GFRA1: variants seen among roughly 807,000 people sequenced by gnomAD.
GFRA1 encodes GDNF family receptor alpha 1, also known as GDNF family receptor alpha-1.
A neutral mutation model predicts 51.6 loss-of-function variants in GFRA1; 16 were observed. That is an observed-to-expected ratio of 0.31 (90% CI 0.21 to 0.47). The LOEUF (loss-of-function observed/expected upper bound fraction) is 0.47, where lower values mean the gene tolerates loss of function less well. Ranked by LOEUF, GFRA1 falls within the 20% of genes least tolerant of loss-of-function variation. GFRA1 has a pLI of 1.00. For synonymous variants in GFRA1, 270 were observed against 241.3 expected, an observed-to-expected ratio of 1.12 and a Z score of -1.10; for missense variants, 530 against 594.3, an observed-to-expected ratio of 0.89 and a Z score of 1.13.
intron 5 of GFRA1, among the ~76,000 whole-genome samples, chr10:116,154,069 G>A (rs1041363502): frequency 2.0e-5 from 3 of 152,046 alleles, no homozygotes; most frequent in Non-Finnish European, 4.4e-5. Context: ...CACCAAGATG[G>A]CTAAAATGAA....
intron 7 of GFRA1, among the ~76,000 whole-genome samples, chr10:116,095,769 G>A (rs532200312): frequency 3.3e-5 from 5 of 152,294 alleles, no homozygotes; most frequent in South Asian, 2.1e-4. Context: ...TAGTGGTGAC[G>A]TGTGTGACCC....
At chr10:116,198,325 G>A (rs990076350) in intron 5 of GFRA1, among the ~76,000 whole-genome samples, 6 of 152,152 alleles carry the variant, frequency 3.9e-5, no homozygotes, top group Non-Finnish European at 8.8e-5. Context: ...ACTTTTGCGG[G>A]CTTATGAGAA....
intron 5 of GFRA1, among the ~76,000 whole-genome samples, chr10:116,158,203 A>G (rs1032582972): frequency 2.0e-5 from 3 of 152,238 alleles, no homozygotes; most frequent in Non-Finnish European, 4.4e-5. Flanking sequence ...GGAAAGCAGA[A>G]TCATTATTCC....
At chr10:116,248,104 C>G (rs886605056) in intron 4 of GFRA1, among the ~76,000 whole-genome samples, 3 of 152,204 alleles carry the variant, frequency 2.0e-5, no homozygotes, top group Non-Finnish European at 4.4e-5. Flanking sequence ...TCCCTGCCAA[C>G]TGGGGAGCCG....
At chr10:116,221,169 C>T (rs1965897740) in intron 4 of GFRA1, among the ~76,000 whole-genome samples, 1 of 152,158 alleles carries the variant, frequency 6.6e-6, no homozygotes, top group Admixed American at 6.5e-5. Flanking sequence ...TAAAAGGTAG[C>T]TATTCTCATT....
intron 6 of GFRA1, among the ~76,000 whole-genome samples, chr10:116,124,854 G>A (rs1047892538): frequency 6.6e-6 from 1 of 152,042 alleles, no homozygotes; most frequent in Non-Finnish European, 1.5e-5. Flanking sequence ...AGCTCCTCTC[G>A]ACTTAATCAC....
At chr10:116,067,494 A>T (rs1955170018) in intron 9 of GFRA1, among the ~76,000 whole-genome samples, 1 of 152,198 alleles carries the variant, frequency 6.6e-6, no homozygotes, top group Non-Finnish European at 1.5e-5. Context: ...TGAGTGTCCT[A>T]GACCACAGTA....
At chr10:116,154,153 C>G (rs369756855) in intron 5 of GFRA1, among the ~76,000 whole-genome samples, 8 of 152,122 alleles carry the variant, frequency 5.3e-5, no homozygotes, top group African/African-American at 1.9e-4. Context: ...ATTGGTAGGA[C>G]CACTTCGGAA....
intron 9 of GFRA1, among the ~76,000 whole-genome samples, chr10:116,087,383 C>G (rs927861719): frequency 1.3e-5 from 2 of 152,198 alleles, no homozygotes; most frequent in Non-Finnish European, 2.9e-5. Flanking sequence ...GATGACTATT[C>G]TGAGATGTCA....
chr10:116,205,179 TAA>T (rs1964633542), intron 5 of GFRA1, among the ~76,000 whole-genome samples: 1 of 152,172 alleles, frequency 6.6e-6, no homozygotes, highest in African/African-American at 2.4e-5. Flanking sequence ...CCGTACCTTA[TAA>T]AGTTTGGGGG....
At chr10:116,089,436 C>G (rs998491970) in intron 9 of GFRA1, among the ~76,000 whole-genome samples, 8 of 152,140 alleles carry the variant, frequency 5.3e-5, no homozygotes, top group Non-Finnish European at 1.0e-4. Flanking sequence ...AACTTGACAA[C>G]CCCACGCACA....
chr10:116,154,536 A>C lies in GFRA1; in HGVS notation c.434-28979T>G, dbSNP rs373156488. ...TTAATCCATGCTGACAGAAGGCAGA[A>C]TGGTGGCTACCTTTGTGGGGAAAGT... is the stretch of plus-strand genomic sequence containing the variant. On this transcript the variant is annotated intron_variant, in intron 5 of 10. Coordinates refer to ENST00000355422, the MANE Select transcript of GFRA1 (RefSeq NM_005264.8). Among the ~76,000 whole-genome samples, 61 of 152,330 alleles carry C rather than the reference A, an allele frequency of 4.0e-4. 1 individual carries two copies. The South Asian group carries it at 0.012, about 31-fold the overall frequency.
At chr10:116,252,899 G>C (rs1343177674) in intron 4 of GFRA1, among the ~76,000 whole-genome samples, 1 of 152,210 alleles carries the variant, frequency 6.6e-6, no homozygotes. Context: ...AAAGGATGAA[G>C]TCAGGATGCA....
At chr10:116,184,987 TTG>T (rs986941471) in intron 5 of GFRA1, among the ~76,000 whole-genome samples, 3 of 152,066 alleles carry the variant, frequency 2.0e-5, no homozygotes, top group Non-Finnish European at 2.9e-5. Flanking sequence ...ACAAGCTTTT[TTG>T]TGTGTGTTTT....
rs376504616 is a variant in GFRA1 at position 116,089,736 on chromosome 10, C to T, written c.1197+5G>A. On this transcript the variant is annotated splice_donor_5th_base_variant and intron_variant, in intron 9 of 10. Transcript: ENST00000355422. ...CCCAGCAAGGAATCTGGACGCAGTT[C>T]TCACCTGTAAATTTGCACACGGTGG... 2.5e-6 allele frequency: 4 copies of T among 1,613,180 alleles called. No individual in the cohort carries two copies. In the African/African-American group the frequency reaches 5.3e-5, roughly 22 times the overall value.
chr10:116,179,348 C>G (rs1351074541), intron 5 of GFRA1, among the ~76,000 whole-genome samples: 2 of 152,152 alleles, frequency 1.3e-5, no homozygotes, highest in Non-Finnish European at 2.9e-5. Context: ...TTTGTGAGGA[C>G]AGTATAAGTA....
intron 6 of GFRA1, among the ~76,000 whole-genome samples, chr10:116,106,132 G>A (rs1956997385): frequency 6.6e-6 from 1 of 152,100 alleles, no homozygotes; most frequent in African/African-American, 2.4e-5. Context: ...GTGGGGAAAG[G>A]CAAAGAAATG....
intron 8 of GFRA1, among the ~76,000 whole-genome samples, chr10:116,091,522 G>C (rs1956333348): frequency 6.6e-6 from 1 of 152,172 alleles, no homozygotes; most frequent in African/African-American, 2.4e-5. Context: ...CTGAGTGAAA[G>C]CCACTGATAT....
chr10:116,253,335 C>A (rs1352448833), intron 4 of GFRA1, among the ~76,000 whole-genome samples: 1 of 152,172 alleles, frequency 6.6e-6, no homozygotes, highest in Admixed American at 6.5e-5. Context: ...AGACCAGTTG[C>A]GGTGGCTCAT....
Sources: allele counts gnomAD v4.1 joint callset (sites outside exome capture counted in the v4.1 genomes callset), GRCh38; gene constraint gnomAD v4.1.1; transcripts MANE v1.5; gene names NCBI Gene and HGNC (gene_info 2026-07-23, HGNC 2026-07-21).